Variants in TTC7B observed in about 807,000 individuals in gnomAD.
The protein encoded by TTC7B is tetratricopeptide repeat protein 7B.
A neutral mutation model predicts 106.8 loss-of-function variants in TTC7B; 28 were observed. The ratio of observed to expected loss-of-function variants is 0.26; its 90% CI spans 0.19 to 0.36. TTC7B has a LOEUF of 0.36. TTC7B is among the 10% of genes least tolerant of loss of function. The probability of loss-of-function intolerance (pLI) is 1.00; values close to 1 mark genes in which losing one functional copy is unlikely to be tolerated. For synonymous variants in TTC7B, 405 were observed against 430.6 expected (o/e 0.94, Z 0.74); for missense variants, 862 against 1,076.4 (o/e 0.80, Z 2.79).
chr14:90,712,925 C>T (rs1888504238), intron 5 of TTC7B, among the ~76,000 whole-genome samples: 1 of 152,006 alleles, frequency 6.6e-6, no homozygotes, highest in Non-Finnish European at 1.5e-5. Flanking sequence ...GACAGACATA[C>T]AGATCAATGA....
intron 19 of TTC7B, among the ~76,000 whole-genome samples, chr14:90,560,146 C>T (rs1472016585): frequency 1.3e-5 from 2 of 152,244 alleles, no homozygotes; most frequent in Non-Finnish European, 2.9e-5. Context: ...TGCCTTTCCC[C>T]CATCACAGTT....
chr14:90,630,608 G>A (rs1420942196), intron 15 of TTC7B, among the ~76,000 whole-genome samples: 1 of 152,148 alleles, frequency 6.6e-6, no homozygotes, highest in East Asian at 1.9e-4. Flanking sequence ...TATTCGTGTT[G>A]CAAAACTGAA....
chr14:90,669,263 G>A (rs1414373119), intron 9 of TTC7B, among the ~76,000 whole-genome samples: 1 of 152,060 alleles, frequency 6.6e-6, no homozygotes, highest in African/African-American at 2.4e-5. Context: ...AATCCTTAGA[G>A]GAAAACAAAG....
intron 4 of TTC7B, among the ~76,000 whole-genome samples, chr14:90,740,211 G>T (rs1889701614): frequency 6.6e-6 from 1 of 152,122 alleles, no homozygotes; most frequent in Non-Finnish European, 1.5e-5. Context: ...GAACTAGAGG[G>T]CAGAGGAACA....
chr14:90,597,187 A>G (rs966749584), intron 17 of TTC7B, among the ~76,000 whole-genome samples: 8 of 152,228 alleles, frequency 5.3e-5, no homozygotes, highest in Non-Finnish European at 1.2e-4. Context: ...ACCAGGGATA[A>G]ATGTTAGGGC....
At position 90,534,489 on chromosome 14, in the gene TTC7B, G is replaced by A. The variant is rs1437882869; in HGVS notation, c.*6879C>T. ...CAAGCAGACGCTAGGGGAGGGATGG[G>A]AGCAGCCACCTGGTACAGTGCCCAA... On this transcript the variant is annotated 3_prime_UTR_variant, in exon 20 of 20. Transcript: ENST00000328459. 1 of 152,492 alleles carries A rather than the reference G, an allele frequency of 6.6e-6. No homozygotes were observed. Among genetic ancestry groups the A allele is most frequent in the Non-Finnish European group, 1.5e-5 (1 of 68,266 alleles). 9.4% of individuals were successfully genotyped at this position (152,492 alleles called of 1,614,324 possible). A position where few individuals can be genotyped will look rare whatever the true frequency, so the allele number is the denominator to read the frequency against.
At chr14:90,576,139 T>C (rs1328143389) in intron 19 of TTC7B, among the ~76,000 whole-genome samples, 1 of 152,198 alleles carries the variant, frequency 6.6e-6, no homozygotes, top group Non-Finnish European at 1.5e-5. Flanking sequence ...TTTTGTCTCA[T>C]GTGTTCCCCT....
chr14:90,610,879 G>GAC, intron 16 of TTC7B, 40 bp from the exon 17 acceptor site: 2 of 1,469,072 alleles, frequency 1.4e-6, no homozygotes, highest in Non-Finnish European at 1.9e-6. Flanking sequence ...CCTGCAAGGT[G>GAC]GGAGGAGGGA....
chr14:90,750,483 C>A (rs574063123), intron 3 of TTC7B, among the ~76,000 whole-genome samples: 1 of 152,298 alleles, frequency 6.6e-6, no homozygotes, highest in Admixed American at 6.5e-5. Context: ...CATAATTTTA[C>A]TATCATCTAT....
chr14:90,745,629 A>G (rs1011768850), intron 3 of TTC7B, among the ~76,000 whole-genome samples: 3 of 152,060 alleles, frequency 2.0e-5, no homozygotes, highest in Admixed American at 2.0e-4. Flanking sequence ...CAGCAAAAAT[A>G]CCACTTGGCC....
intron 3 of TTC7B, among the ~76,000 whole-genome samples, chr14:90,771,458 G>A (rs1890860776): frequency 6.6e-6 from 1 of 152,090 alleles, no homozygotes; most frequent in Non-Finnish European, 1.5e-5. Context: ...ACCAGGTGTG[G>A]TGGCACATGC....
chr14:90,568,472 T>C (rs1890887623), intron 19 of TTC7B, among the ~76,000 whole-genome samples: 2 of 152,202 alleles, frequency 1.3e-5, no homozygotes, highest in African/African-American at 2.4e-5. Flanking sequence ...CATCTAAGAC[T>C]CCAAGACAGA....
chr14:90,765,273 T>C (rs1375967614), intron 3 of TTC7B, among the ~76,000 whole-genome samples: 1 of 152,170 alleles, frequency 6.6e-6, no homozygotes, highest in Non-Finnish European at 1.5e-5. Flanking sequence ...AGACAGGGTA[T>C]AGATTAGTGG....
chr14:90,743,914 G>A (rs1290350156), intron 4 of TTC7B, among the ~76,000 whole-genome samples: 1 of 152,210 alleles, frequency 6.6e-6, no homozygotes, highest in Non-Finnish European at 1.5e-5. Context: ...TCTGTCTGAG[G>A]CTGCGAGCTT....
rs1471466620 is a variant in TTC7B at position 90,786,254 on chromosome 14, C to T, written c.196G>A (p.Ala66Thr). 4 of 1,611,148 alleles carry T rather than the reference C, an allele frequency of 2.5e-6. No homozygotes were observed. The highest frequency in any genetic ancestry group is 3.4e-5 in the Admixed American group (2 of 59,548). The change falls in exon 2 of 20, where the codon GCC becomes ACC. Residue 66 changes from alanine (A) to threonine (T), a missense_variant. Physicochemically the swap from Ala to Thr is moderately conservative, Grantham distance 58 (BLOSUM62 0). Transcript: ENST00000328459. The stretch of plus-strand genomic sequence containing the variant: ...TGGGGCTTGGGGCCTCGGGGACTGG[C>T]CCCCTGCCTCAGGGGGTGTTCCTTC... ...YLKEHPLRQG[A>T]SPRGPKPQLT...
intron 13 of TTC7B, among the ~76,000 whole-genome samples, 164 bp downstream of exon 13, chr14:90,652,677 G>T (rs1395776642): frequency 1.3e-5 from 2 of 152,272 alleles, no homozygotes; most frequent in East Asian, 3.9e-4. Flanking sequence ...ACAGCAACAA[G>T]TGATACAGCA....
chr14:90,815,032 C>T (rs2031094670), intron 1 of TTC7B, among the ~76,000 whole-genome samples: 2 of 152,208 alleles, frequency 1.3e-5, no homozygotes, highest in African/African-American at 2.4e-5. Flanking sequence ...ACCTGACATC[C>T]CTCTCCTTTC....
At chr14:90,763,391 A>G (rs955725488) in intron 3 of TTC7B, among the ~76,000 whole-genome samples, 1 of 152,208 alleles carries the variant, frequency 6.6e-6, no homozygotes, top group African/African-American at 2.4e-5. Flanking sequence ...GATAAAGGCT[A>G]TCTATGAAAA....
chr14:90,559,914 G>A lies in TTC7B; in HGVS notation c.2310+18192C>T, dbSNP rs575617386. Among the ~76,000 whole-genome samples, 38 of 152,282 alleles carry A rather than the reference G, an allele frequency of 2.5e-4. No individual in the cohort carries two copies. The South Asian group carries it at 3.3e-3, about 13-fold the overall frequency. On this transcript the variant is annotated intron_variant, in intron 19 of 19. Transcript: ENST00000328459. ...ACAAGGGGCTCTTTTGCTCCACAAC[G>A]CGCGCTCCCCCACCGTGCTACCCTT...
Sources: allele counts gnomAD v4.1 joint callset (sites outside exome capture counted in the v4.1 genomes callset), GRCh38; gene constraint gnomAD v4.1.1; transcripts MANE v1.5; gene names NCBI Gene and HGNC (gene_info 2026-07-23, HGNC 2026-07-21).